The following STAG1 variants were observed in gnomAD, a reference collection of about 807,000 sequenced individuals.
STAG1 encodes the protein cohesin subunit SA-1.
STAG1 carries 26 observed loss-of-function variants against 170.9 expected under a neutral mutation model. That is an observed-to-expected ratio of 0.15 (90% confidence interval 0.11 to 0.21). The LOEUF is 0.21. STAG1 is among the 10% of genes least tolerant of loss of function. STAG1 has a pLI of 1.00. For missense variants in STAG1, 964 were observed against 1,509.5 expected (o/e 0.64, Z 5.99); for synonymous variants, 514 against 497.7 (o/e 1.03, Z -0.44).
At chr3:136,645,855 C>G (rs987834458) in intron 1 of STAG1, among the ~76,000 whole-genome samples, 3 of 152,214 alleles carry the variant, frequency 2.0e-5, no homozygotes, top group Admixed American at 1.3e-4. Flanking sequence ...ACCACTGCTC[C>G]TCACATTCAC....
intron 26 of STAG1, among the ~76,000 whole-genome samples, chr3:136,362,344 GATTT>G (rs1234480086): frequency 2.6e-5 from 4 of 151,906 alleles, no homozygotes; most frequent in African/African-American, 7.3e-5. Context: ...TTTTCTATGG[GATTT>G]ATTTATCTTT....
chr3:136,344,505 C>T (rs1330130191), intron 29 of STAG1, among the ~76,000 whole-genome samples: 2 of 152,118 alleles, frequency 1.3e-5, no homozygotes, highest in Non-Finnish European at 2.9e-5. Context: ...TAACTTCTTG[C>T]CAGGTTATAC....
At chr3:136,749,007 G>A (rs1297974108) in intron 1 of STAG1, among the ~76,000 whole-genome samples, 1 of 152,146 alleles carries the variant, frequency 6.6e-6, no homozygotes, top group East Asian at 1.9e-4. Context: ...GGAATCTGAA[G>A]AGGTAAATGT....
At chr3:136,604,607 T>C in intron 3 of STAG1, 134 bp from the exon 4 acceptor site, 2 of 771,696 alleles carry the variant, frequency 2.6e-6, no homozygotes. Flanking sequence ...TTCAAAAAAG[T>C]GCAAAGAGCA....
intron 3 of STAG1, among the ~76,000 whole-genome samples, chr3:136,610,377 A>C (rs1939211039): frequency 1.3e-5 from 2 of 150,936 alleles, no homozygotes; most frequent in South Asian, 4.2e-4. Flanking sequence ...ACAAATAAAA[A>C]CTCCTTGATC....
At chr3:136,394,748 T>A (rs2087103278) in intron 22 of STAG1, among the ~76,000 whole-genome samples, 1 of 151,016 alleles carries the variant, frequency 6.6e-6, no homozygotes, top group Admixed American at 6.6e-5. Flanking sequence ...AGGTTGGGAG[T>A]TCGAGACCAG....
intron 21 of STAG1, among the ~76,000 whole-genome samples, chr3:136,412,575 C>T (rs534181474): frequency 3.3e-5 from 5 of 152,262 alleles, no homozygotes; most frequent in South Asian, 2.1e-4. Flanking sequence ...ACTGACATCA[C>T]GTGCCTCCTG....
At chr3:136,423,890 G>A (rs902192597) in intron 16 of STAG1, among the ~76,000 whole-genome samples, 3 of 151,068 alleles carry the variant, frequency 2.0e-5, no homozygotes, top group Admixed American at 6.6e-5. Context: ...TTGAGACAGA[G>A]TCTTGCTCTG....
At chr3:136,377,567 G>T in intron 23 of STAG1, 93 bp downstream of exon 23, 1 of 948,448 alleles carries the variant, frequency 1.1e-6, no homozygotes, top group Non-Finnish European at 1.6e-6. Context: ...ATGAACATGT[G>T]TACAAAAACT....
chr3:136,638,803 G>A (rs937827276), intron 1 of STAG1, among the ~76,000 whole-genome samples: 6 of 152,228 alleles, frequency 3.9e-5, no homozygotes, highest in African/African-American at 1.2e-4. Flanking sequence ...TCGGGAAGCT[G>A]AGGTGGGAGA....
chr3:136,355,958 C>T (rs567317918), intron 28 of STAG1, among the ~76,000 whole-genome samples: 6 of 152,042 alleles, frequency 3.9e-5, no homozygotes, highest in Non-Finnish European at 8.8e-5. Flanking sequence ...CTGTAAATGC[C>T]TGTATTGAAA....
chr3:136,551,221 G>GGT (rs1936376709), intron 5 of STAG1, among the ~76,000 whole-genome samples: 5 of 123,154 alleles, frequency 4.1e-5, no homozygotes, highest in Non-Finnish European at 7.2e-5. Context: ...GAGAGAGAGA[G>GGT]AGAGAGAGAG....
rs1559967553 is a variant in STAG1 at position 136,714,950 on chromosome 3, TA to T, written c.-84+37244del. 5.4e-5 allele frequency among the ~76,000 whole-genome samples: 4 copies of T among 74,558 alleles called. No homozygotes were observed. The East Asian group carries it at 8.9e-4, about 17-fold the overall frequency. 48.9% of individuals were successfully genotyped at this position (74,558 alleles called of 152,430 possible). A position where few individuals can be genotyped will look rare whatever the true frequency, so the allele number is the denominator to read the frequency against. On this transcript the variant is annotated intron_variant, in intron 1 of 33. Transcript: ENST00000383202. Reference sequence around the variant, plus strand: ...AATATATATATTAAATATATATATATATATATATATATATTTTATATATATA... The same window carrying T: ...AATATATATATTAAATATATATATATTATATATATATATTTTATATATATA...
intron 9 of STAG1, among the ~76,000 whole-genome samples, chr3:136,478,074 G>A (rs1303789641): frequency 6.6e-6 from 1 of 152,168 alleles, no homozygotes; most frequent in Non-Finnish European, 1.5e-5. Context: ...ACACGCGTGA[G>A]CCACTGTGAC....
intron 14 of STAG1, 128 bp downstream of exon 14, chr3:136,451,905 G>T: frequency 3.2e-6 from 2 of 618,436 alleles, no homozygotes; most frequent in Non-Finnish European, 2.8e-6. Context: ...TCTATATCAT[G>T]CAATTCATGA....
intron 1 of STAG1, among the ~76,000 whole-genome samples, chr3:136,742,075 A>G (rs1934698774): frequency 6.6e-6 from 1 of 152,220 alleles, no homozygotes; most frequent in African/African-American, 2.4e-5. Flanking sequence ...ATTAAGGGAA[A>G]AACAGATAAT....
At chr3:136,668,216 C>T (rs1432000231) in intron 1 of STAG1, among the ~76,000 whole-genome samples, 1 of 149,964 alleles carries the variant, frequency 6.7e-6, no homozygotes, top group Non-Finnish European at 1.5e-5. Flanking sequence ...GCCGAGGCAA[C>T]AGAGTGAGAC....
intron 5 of STAG1, among the ~76,000 whole-genome samples, chr3:136,564,278 A>G (rs1936969438): frequency 6.6e-6 from 1 of 152,252 alleles, no homozygotes; most frequent in Non-Finnish European, 1.5e-5. Flanking sequence ...GTCAACAGAT[A>G]AGACATAAAT....
chr3:136,390,753 T>A (rs1438279447), intron 22 of STAG1, among the ~76,000 whole-genome samples: 1 of 152,232 alleles, frequency 6.6e-6, no homozygotes, highest in African/African-American at 2.4e-5. Flanking sequence ...TTGCTATCTG[T>A]ATTTTGTTAT....
Sources: gnomAD v4.1 joint callset for allele counts (sites outside exome capture counted in the v4.1 genomes callset) on GRCh38, gnomAD v4.1.1 for gene constraint, MANE v1.5 for transcripts, NCBI Gene and HGNC (gene_info 2026-07-23, HGNC 2026-07-21) for gene names.